DLGAP5: variants seen among roughly 807,000 people sequenced by gnomAD.
The protein encoded by DLGAP5 is disks large-associated protein 5.
In DLGAP5, 90 loss-of-function variants were observed where a neutral mutation model predicts 99.6. The ratio of observed to expected loss-of-function variants is 0.90; its 90% CI spans 0.76 to 1.08. The LOEUF (loss-of-function observed/expected upper bound fraction) is 1.08. Among genes scored for constraint, DLGAP5 ranks in the 50% least tolerant of loss-of-function variants. The pLI is 0.00. For missense variants in DLGAP5, 1,036 were observed against 983.5 expected (o/e 1.05, Z -0.71); for synonymous variants, 311 against 321.3 (o/e 0.97, Z 0.34).
Position 55,170,700 on chromosome 14 carries a change from A to T in DLGAP5, c.1387+2T>A. 2 of 1,610,004 alleles carry T rather than the reference A, an allele frequency of 1.2e-6. No homozygotes were observed. Among genetic ancestry groups the T allele is most frequent in the Non-Finnish European group, 1.7e-6 (2 of 1,176,914 alleles). ...AAACAAAAAATACAAATGTTGCCTC[A>T]CCATCATCTGGAATGTCCAATTCAA... On this transcript the variant is annotated splice_donor_variant, in intron 11 of 18. Coordinates refer to ENST00000247191, the MANE Select transcript of DLGAP5 (RefSeq NM_014750.5). LOFTEE classifies it high-confidence loss of function.
chr14:55,153,795 C>T (rs903039545), intron 15 of DLGAP5, among the ~76,000 whole-genome samples: 9 of 152,112 alleles, frequency 5.9e-5, no homozygotes, highest in African/African-American at 1.9e-4. Flanking sequence ...TGGTGGCTCA[C>T]GCCTGTAATC....
rs147108925 is a variant in DLGAP5 at position 55,170,660 on chromosome 14, T to C, written c.1387+42A>G. 7.9e-5 allele frequency: 118 copies of C among 1,497,910 alleles called. No individual in the cohort carries two copies. The African/African-American group carries it at 1.5e-3, about 19-fold the overall frequency. The allele number at this position is 1,497,910 out of a possible 1,614,324, so 92.8% of individuals were successfully genotyped here. The stretch of plus-strand genomic sequence containing the variant: ...ATGTTTCAGATAAACGTAACCATAG[T>C]AAAAGAAACAAAGCAAACAAAAAAT... On this transcript the variant is annotated intron_variant, in intron 11 of 18. Coordinates refer to ENST00000247191, the MANE Select transcript of DLGAP5 (RefSeq NM_014750.5).
rs1883024957 is a variant in DLGAP5, at chr14:55,175,405, T to C, written c.1242A>G (p.Pro414=). ...NLNGLPIKEV[P]SLERNEGRIA... is the part of the protein sequence containing the mutation. ...TTCGACCTTCATTTCTTTCAAGTGATGGGACTTCTTTTATTGGAAGGCCAT... is the reference window on the plus strand; with the variant it reads ...TTCGACCTTCATTTCTTTCAAGTGACGGGACTTCTTTTATTGGAAGGCCAT... The change falls in exon 10 of 19, where the codon CCA becomes CCG. Residue 414 remains proline (P), a synonymous_variant. Transcript: ENST00000247191. 5 of 1,598,730 alleles carry C rather than the reference T, an allele frequency of 3.1e-6. No homozygotes were observed. Among genetic ancestry groups the C allele is most frequent in the Non-Finnish European group, 4.3e-6 (5 of 1,169,404 alleles).
At chr14:55,161,261 C>T (rs1163196987) in intron 13 of DLGAP5, among the ~76,000 whole-genome samples, 1 of 152,032 alleles carries the variant, frequency 6.6e-6, no homozygotes, top group Non-Finnish European at 1.5e-5. Flanking sequence ...TTAATATTTC[C>T]AGGACTAAAT....
chr14:55,190,289 T>TATACACACACACACACAC (rs1555330252), intron 1 of DLGAP5, among the ~76,000 whole-genome samples: 29 of 147,416 alleles, frequency 2.0e-4, no homozygotes, highest in African/African-American at 7.0e-4. Context: ...AGAAAAGCCA[T>TATACACACACACACACAC]ACACACACAC....
intron 12 of DLGAP5, among the ~76,000 whole-genome samples, chr14:55,163,875 T>C (rs1882536847): frequency 6.6e-6 from 1 of 152,244 alleles, no homozygotes; most frequent in Admixed American, 6.5e-5. Flanking sequence ...ATTGGGTTGT[T>C]CGTTTCCTTC....
At chr14:55,188,906 T>C (rs1056912052) in intron 2 of DLGAP5, 36 bp downstream of exon 2, 4 of 1,555,374 alleles carry the variant, frequency 2.6e-6, no homozygotes, top group Non-Finnish European at 2.6e-6. Flanking sequence ...TATTCACTCT[T>C]CAAAGTACTT....
At chr14:55,181,456 G>C (rs938383090) in intron 4 of DLGAP5, among the ~76,000 whole-genome samples, 159 bp from the exon 5 acceptor site, 1 of 152,042 alleles carries the variant, frequency 6.6e-6, no homozygotes, top group Non-Finnish European at 1.5e-5. Context: ...ATAAAGAAAA[G>C]CTTTCCATTA....
At chr14:55,155,630 G>A (rs1882189736) in intron 14 of DLGAP5, among the ~76,000 whole-genome samples, 1 of 152,072 alleles carries the variant, frequency 6.6e-6, no homozygotes, top group Non-Finnish European at 1.5e-5. Flanking sequence ...TTACAGGTGT[G>A]AGCCACCGTG....
At chr14:55,152,087 GCTT>G in intron 16 of DLGAP5, 146 bp from the exon 17 acceptor site, 1 of 752,480 alleles carries the variant, frequency 1.3e-6, no homozygotes, top group South Asian at 2.1e-5. Context: ...CTACTATCCT[GCTT>G]CTTCAACAAT....
At chr14:55,158,322 T>G (rs897012044) in intron 14 of DLGAP5, among the ~76,000 whole-genome samples, 200 bp downstream of exon 14, 1 of 152,196 alleles carries the variant, frequency 6.6e-6, no homozygotes, top group African/African-American at 2.4e-5. Flanking sequence ...GCACTTAAAC[T>G]AATCTGATCA....
At chr14:55,178,995 C>G (rs1189716698) in intron 7 of DLGAP5, among the ~76,000 whole-genome samples, 1 of 152,044 alleles carries the variant, frequency 6.6e-6, no homozygotes, top group African/African-American at 2.4e-5. Context: ...TGCAGTGAGC[C>G]AAGATCGCGC....
At chr14:55,170,971 C>T (rs1439958712) in intron 10 of DLGAP5, among the ~76,000 whole-genome samples, 184 bp from the exon 11 acceptor site, 1 of 152,008 alleles carries the variant, frequency 6.6e-6, no homozygotes, top group Admixed American at 6.6e-5. Context: ...AAGTTGATAC[C>T]CTTTGTATGT....
At chr14:55,177,725 G>A (rs1436040971) in intron 7 of DLGAP5, among the ~76,000 whole-genome samples, 1 of 151,534 alleles carries the variant, frequency 6.6e-6, no homozygotes, top group East Asian at 2.0e-4. Flanking sequence ...TTTTAGTGGA[G>A]ACGGGGTTTC....
Position 55,155,808 on chromosome 14 carries a change from G to C in DLGAP5, c.1874-1002C>G, listed in dbSNP as rs192445196. The stretch of plus-strand genomic sequence containing the variant: ...GCCACCAATCAAGAAAAATGAATTG[G>C]CCGGGCGCGGTGGCTCATGCCTGTG... On this transcript the variant is annotated intron_variant, in intron 14 of 18. Coordinates refer to ENST00000247191, the MANE Select transcript of DLGAP5 (RefSeq NM_014750.5). Among the ~76,000 whole-genome samples, 50 of 152,110 alleles carry C rather than the reference G, an allele frequency of 3.3e-4. No homozygotes were observed. In the East Asian group the frequency reaches 3.9e-3, roughly 12 times the overall value.
chr14:55,191,352 G>C (rs972252654), intron 1 of DLGAP5, 111 bp downstream of exon 1: 5 of 152,878 alleles, frequency 3.3e-5, no homozygotes, highest in African/African-American at 1.2e-4. Context: ...CGGTCCTAAA[G>C]GAGCCTGCCT....
At chr14:55,188,433 C>A (rs1883495868) in intron 2 of DLGAP5, among the ~76,000 whole-genome samples, 1 of 152,186 alleles carries the variant, frequency 6.6e-6, no homozygotes, top group South Asian at 2.1e-4. Flanking sequence ...ACAAAGTACT[C>A]TCATTTCATG....
intron 13 of DLGAP5, 115 bp downstream of exon 13, chr14:55,162,856 T>C: frequency 2.0e-6 from 1 of 492,984 alleles, no homozygotes; most frequent in African/African-American, 2.0e-5. Context: ...TAAACCTAAA[T>C]GTTTTTAAAA....
chr14:55,168,428 C>A (rs1342874768), intron 12 of DLGAP5, among the ~76,000 whole-genome samples: 1 of 152,170 alleles, frequency 6.6e-6, no homozygotes, highest in African/African-American at 2.4e-5. Flanking sequence ...AAAAGTCCAT[C>A]CAAATAGCTC....
Sources: allele counts gnomAD v4.1 joint callset (sites outside exome capture counted in the v4.1 genomes callset), GRCh38; gene constraint gnomAD v4.1.1; transcripts MANE v1.5; gene names NCBI Gene and HGNC (gene_info 2026-07-23, HGNC 2026-07-21).